Variants in AFF3 observed in about 807,000 individuals in gnomAD.
AFF3 encodes the protein AF4/FMR2 family member 3.
In AFF3, 32 loss-of-function variants were observed where a neutral mutation model predicts 129.7. That is an observed-to-expected ratio of 0.25 (90% CI 0.19 to 0.33). The LOEUF (loss-of-function observed/expected upper bound fraction) is 0.33. Among genes scored for constraint, AFF3 ranks in the 10% least tolerant of loss-of-function variants. AFF3 has a pLI of 1.00. For synonymous variants in AFF3, 644 were observed against 635.4 expected, an observed-to-expected ratio of 1.01 and a Z score of -0.20; for missense variants, 1,373 against 1,592.0, an observed-to-expected ratio of 0.86 and a Z score of 2.34.
chr2:99,816,534 G>T (rs1472034180), intron 8 of AFF3, among the ~76,000 whole-genome samples: 1 of 152,094 alleles, frequency 6.6e-6, no homozygotes, highest in Admixed American at 6.5e-5. Context: ...TGTTAATGTG[G>T]TCAGGAGTCT....
At chr2:100,060,280 C>A (rs1687163100) in intron 4 of AFF3, among the ~76,000 whole-genome samples, 1 of 152,192 alleles carries the variant, frequency 6.6e-6, no homozygotes, top group Non-Finnish European at 1.5e-5. Flanking sequence ...ACATGTGTTA[C>A]CTCATTAGTC....
intron 22 of AFF3, among the ~76,000 whole-genome samples, 196 bp downstream of exon 22, chr2:99,558,679 G>T (rs1170009110): frequency 1.3e-5 from 2 of 151,972 alleles, no homozygotes; most frequent in Non-Finnish European, 2.9e-5. Flanking sequence ...AAGAAGGCAG[G>T]GAGATACATT....
intron 7 of AFF3, among the ~76,000 whole-genome samples, chr2:99,935,327 C>T (rs541271155): frequency 1.6e-4 from 25 of 152,338 alleles, no homozygotes; most frequent in African/African-American, 4.8e-4. Flanking sequence ...GGAAGAACCC[C>T]TTCTTACTGT....
Position 99,587,209 on chromosome 2 carries a change from C to T in AFF3, c.2536G>A (p.Ala846Thr). The T allele has an allele frequency of 6.2e-7, 1 of 1,614,134 alleles. No individual in the cohort carries two copies. Among genetic ancestry groups the T allele is most frequent in the Non-Finnish European group, 8.5e-7 (1 of 1,180,022 alleles). The part of the protein sequence containing the change: ...QGEKDSSSRL[A>T]TSTSNTLSAN... ...GACAAAGTATTACTGGTGGAGGTGG[C>T]CAGTCTTGAAGAGCTGTCTTTCTCT... is the stretch of plus-strand genomic sequence containing the variant. Residue 846 changes from alanine (A) to threonine (T), a missense_variant, in exon 16 of 25, where the codon GCC becomes ACC. Ala to Thr is a moderately conservative substitution (Grantham distance 58). Coordinates refer to ENST00000672756, the MANE Select transcript of AFF3 (RefSeq NM_001386135.1).
intron 7 of AFF3, among the ~76,000 whole-genome samples, chr2:99,894,626 G>T (rs113738376): frequency 4.2e-4 from 63 of 151,798 alleles, no homozygotes; most frequent in African/African-American, 1.4e-3. Context: ...CCGCCACCAC[G>T]CCCGGCTAAT....
chr2:99,550,676 C>G lies in AFF3; in HGVS notation c.*798G>C, dbSNP rs10197279. On this transcript the variant is annotated 3_prime_UTR_variant, in exon 25 of 25. Transcript: ENST00000672756. ...TCCTAACTGAGCTCCAACACACAGG[C>G]ACTGCTACCTTAGTGTCTGTTAACT... is the stretch of plus-strand genomic sequence containing the variant. The G allele has an allele frequency of 3.1e-4, 72 of 232,918 alleles. No homozygotes were observed. The highest frequency in any genetic ancestry group is 1.4e-3 in the African/African-American group (64 of 45,420). 14.4% of individuals were successfully genotyped at this position (232,918 alleles called of 1,614,324 possible). A position where few individuals can be genotyped will look rare whatever the true frequency, so the allele number is the denominator to read the frequency against.
In AFF3 at chr2:99,911,128, G is replaced by A. The variant is rs551545837; in HGVS notation, c.874-73604C>T. Among the ~76,000 whole-genome samples the A allele has an allele frequency of 6.6e-5, 10 of 152,314 alleles. No homozygotes were observed. The East Asian group carries it at 9.7e-4, about 15-fold the overall frequency. ...TGCTAGGGTGTGGGCTTCCTGGGGC[G>A]GAGCACCTTAGTCCATCTATTCTGT... On this transcript the variant is annotated intron_variant, in intron 7 of 24. Transcript: ENST00000672756.
chr2:100,094,590 C>T (rs1167220165), intron 4 of AFF3, among the ~76,000 whole-genome samples: 6 of 149,394 alleles, frequency 4.0e-5, no homozygotes, highest in South Asian at 2.1e-4. Flanking sequence ...TCCTAACAGG[C>T]CCCGGACCAA....
chr2:99,929,597 T>C (rs887860634), intron 7 of AFF3, among the ~76,000 whole-genome samples: 1 of 152,204 alleles, frequency 6.6e-6, no homozygotes, highest in Non-Finnish European at 1.5e-5. Context: ...TAAACAACCT[T>C]ATTCAACACA....
chr2:99,571,343 C>A (rs558269438), intron 18 of AFF3, among the ~76,000 whole-genome samples: 30 of 152,162 alleles, frequency 2.0e-4, no homozygotes, highest in Admixed American at 1.8e-3. Context: ...ACTTCAAATG[C>A]ATTTCATTAA....
At chr2:99,690,305 C>T (rs929379436) in intron 11 of AFF3, among the ~76,000 whole-genome samples, 3 of 149,992 alleles carry the variant, frequency 2.0e-5, no homozygotes, top group Admixed American at 6.7e-5. Context: ...CTCAGCCTCC[C>T]GAGTAGCTGG....
At chr2:99,743,602 T>C (rs1680900388) in intron 10 of AFF3, among the ~76,000 whole-genome samples, 1 of 152,208 alleles carries the variant, frequency 6.6e-6, no homozygotes, top group Non-Finnish European at 1.5e-5. Flanking sequence ...TGTGTTTTAA[T>C]AGCCACCAAT....
intron 7 of AFF3, among the ~76,000 whole-genome samples, chr2:99,989,925 T>C (rs17023375): frequency 0.018 from 2,750 of 152,296 alleles, 88 homozygotes; most frequent in African/African-American, 0.064. Context: ...TTAATTGCTA[T>C]GATAGAAGAG....
At chr2:99,929,487 T>G (rs1438410846) in intron 7 of AFF3, among the ~76,000 whole-genome samples, 1 of 152,222 alleles carries the variant, frequency 6.6e-6, no homozygotes, top group African/African-American at 2.4e-5. Flanking sequence ...TAACTGCTTA[T>G]CTTCTTCATT....
At chr2:99,667,548 A>G (rs191172607) in intron 12 of AFF3, among the ~76,000 whole-genome samples, 1 of 152,354 alleles carries the variant, frequency 6.6e-6, no homozygotes, top group African/African-American at 2.4e-5. Context: ...CAAATAGATA[A>G]TATTAATGAA....
intron 8 of AFF3, among the ~76,000 whole-genome samples, chr2:99,817,268 G>A (rs940147261): frequency 3.3e-5 from 5 of 152,128 alleles, no homozygotes; most frequent in African/African-American, 4.8e-5. Flanking sequence ...CCTCTCCTGC[G>A]AGCCCATGTT....
At chr2:99,801,388 T>C (rs1191207851) in intron 8 of AFF3, among the ~76,000 whole-genome samples, 1 of 152,228 alleles carries the variant, frequency 6.6e-6, no homozygotes, top group Non-Finnish European at 1.5e-5. Flanking sequence ...TATTTTCTCA[T>C]GCTTTCATTA....
intron 7 of AFF3, among the ~76,000 whole-genome samples, chr2:99,980,807 A>G (rs893202084): frequency 2.6e-5 from 4 of 152,232 alleles, no homozygotes; most frequent in African/African-American, 9.6e-5. Flanking sequence ...TCTGATTATA[A>G]AAGTAATTCA....
intron 11 of AFF3, among the ~76,000 whole-genome samples, chr2:99,696,706 G>GT: frequency 1.2e-5 from 1 of 81,358 alleles, no homozygotes; most frequent in African/African-American, 4.6e-5. Flanking sequence ...GCCCAGGCTG[G>GT]AGTGCAGTGG....
Sources: gnomAD v4.1 joint callset for allele counts (sites outside exome capture counted in the v4.1 genomes callset) on GRCh38, gnomAD v4.1.1 for gene constraint, MANE v1.5 for transcripts, NCBI Gene and HGNC (gene_info 2026-07-23, HGNC 2026-07-21) for gene names.